The following SLC4A2 variants were observed in gnomAD, a reference collection of about 807,000 sequenced individuals.
The protein encoded by SLC4A2 is solute carrier family 4 member 2.
A neutral mutation model predicts 115.0 loss-of-function variants in SLC4A2; 36 were observed. The observed-to-expected ratio is 0.31, with a 90% confidence interval of 0.24 to 0.41. SLC4A2 has a LOEUF of 0.41. Among genes scored for constraint, SLC4A2 ranks in the 10% least tolerant of loss-of-function variants. SLC4A2 has a pLI of 1.00. For synonymous variants in SLC4A2, 708 were observed against 708.3 expected (o/e 1.00, Z 0.01); for missense variants, 1,252 against 1,705.6 (o/e 0.73, Z 4.68).
chr7:151,061,784 TCTC>T (rs947970353), intron 1 of SLC4A2, 138 bp from the exon 2 acceptor site: 2 of 571,690 alleles, frequency 3.5e-6, no homozygotes, highest in African/African-American at 3.7e-5. Context: ...TATAAATAAC[TCTC>T]CTCTGTGCTG....
Position 151,075,703 on chromosome 7 carries a change from C to G in SLC4A2, c.3399C>G (p.Ile1133Met), listed in dbSNP as rs746987078. ...TGGGAGTCACCTCCCTTAACGGGAT[C>G]CAGTTCTATGAGCGGCTGCATCTGC... is the stretch of plus-strand genomic sequence containing the variant. ...LYMGVTSLNG[I>M]QFYERLHLLL... The change falls in exon 21 of 23, where the codon ATC becomes ATG. Residue 1133 changes from isoleucine to methionine, a missense_variant. Around this residue, in one of 14 missense-constraint regions of SLC4A2, gnomAD observed 253 missense variants for 407.4 expected, o/e 0.62. Transcript: ENST00000413384. 1 of 1,612,368 alleles carries G rather than the reference C, an allele frequency of 6.2e-7. No individual in the cohort carries two copies. Among genetic ancestry groups the G allele is most frequent in the Non-Finnish European group, 8.5e-7 (1 of 1,178,796 alleles).
rs896370850 is a variant in SLC4A2, at chr7:151,062,977, C to G, written c.51+939C>G. On this transcript the variant is annotated intron_variant, in intron 2 of 22. Coordinates refer to ENST00000413384, the MANE Select transcript of SLC4A2 (RefSeq NM_003040.4). ...ACCGCTATGGAGGGGGCTGCATACC[C>G]CCGCCCTTGGAGATCCCGATGCCCT... 3 of 1,416,830 alleles carry G rather than the reference C, an allele frequency of 2.1e-6. No individual in the cohort carries two copies. The African/African-American group carries it at 4.5e-5, about 21-fold the overall frequency. 87.8% of individuals were successfully genotyped at this position (1,416,830 alleles called of 1,614,324 possible). A position where few individuals can be genotyped will look rare whatever the true frequency, so the allele number is the denominator to read the frequency against.
chr7:151,070,415 G>C (rs1369632065), intron 10 of SLC4A2, 42 bp from the exon 11 acceptor site: 4 of 1,611,840 alleles, frequency 2.5e-6, no homozygotes, highest in Non-Finnish European at 3.4e-6. Flanking sequence ...GACTCAGAGT[G>C]GGAGGGGCCT....
Position 151,074,856 on chromosome 7 carries a change from C to A in SLC4A2, c.3047+15C>A. On this transcript the variant is annotated intron_variant, in intron 19 of 22. Coordinates refer to ENST00000413384, the MANE Select transcript of SLC4A2 (RefSeq NM_003040.4). ...CAGATCACCACGTGAGTGGTCCTAG[C>A]CAAAGGGGTGTGAGAGGCCAGAGCC... 6.3e-7 allele frequency: 1 copy of A among 1,585,702 alleles called. No homozygotes were observed. Among genetic ancestry groups the A allele is most frequent in the Non-Finnish European group, 8.6e-7 (1 of 1,165,752 alleles).
Position 151,071,357 on chromosome 7 carries a change from G to A in SLC4A2, c.1976-33G>A, listed in dbSNP as rs763814114. On this transcript the variant is annotated intron_variant, in intron 13 of 22. Coordinates refer to ENST00000413384, the MANE Select transcript of SLC4A2 (RefSeq NM_003040.4). This position sits in a 1 kb window ranked among gnomAD's most constrained non-coding sequence, Gnocchi z 5.5. ...CGAGGGGGTGAGGTGGGCAAGAGGG[G>A]CTGGGGCGCCCTGACGGAGGCCTGG... The A allele has an allele frequency of 8.4e-6, 13 of 1,556,628 alleles. No individual in the cohort carries two copies. Among genetic ancestry groups the A allele is most frequent in the African/African-American group, 2.7e-5 (2 of 73,960 alleles).
chr7:151,062,983 C>G, intron 2 of SLC4A2: 1 of 1,420,804 alleles, frequency 7.0e-7, no homozygotes, highest in Non-Finnish European at 9.2e-7. Flanking sequence ...TACCCCCGCC[C>G]TTGGAGATCC....
Position 151,066,765 on chromosome 7 carries a change from A to T in SLC4A2, c.823+4A>T. 6.4e-7 allele frequency: 1 copy of T among 1,574,062 alleles called. No individual in the cohort carries two copies. On this transcript the variant is annotated splice_donor_region_variant and intron_variant, in intron 6 of 22. Transcript: ENST00000413384. ...GCCGACCTAGACCTCATGAAGAGTA[A>T]GTGCTGGGCCTTGGCCAAGCCCGGC...
At chr7:151,066,295 C>T (rs35576067) in intron 5 of SLC4A2, among the ~76,000 whole-genome samples, 3,488 of 152,342 alleles carry the variant, frequency 0.023, 64 homozygotes, top group Non-Finnish European at 0.032. Context: ...CTCGGGGTGA[C>T]CGTTTGGGGC....
intron 11 of SLC4A2, 65 bp from the exon 12 acceptor site, chr7:151,070,662 T>C: frequency 6.2e-6 from 10 of 1,603,332 alleles, no homozygotes; most frequent in South Asian, 2.2e-5. Flanking sequence ...GGTGCCACCC[T>C]GGGCGAGGGA....
At chr7:151,072,200 C>T (rs1797465076) in intron 16 of SLC4A2, 64 bp downstream of exon 16, 1 of 1,449,602 alleles carries the variant, frequency 6.9e-7, no homozygotes, top group Non-Finnish European at 9.5e-7. Context: ...GAGGGAGTCT[C>T]TTGGTCCCAT....
chr7:151,064,966 G>A lies in SLC4A2; in HGVS notation c.578G>A (p.Gly193Glu), dbSNP rs756015167. The A allele has an allele frequency of 1.3e-6, 2 of 1,597,122 alleles. No individual in the cohort carries two copies. The highest frequency in any genetic ancestry group is 2.7e-5 in the African/African-American group (2 of 74,574). The change falls in exon 5 of 23, where the codon GGA (glycine) becomes GAA (glutamate). Residue 193 changes from glycine (G) to glutamate (E), a missense_variant and splice_region_variant. Around this residue, in one of 14 missense-constraint regions of SLC4A2, gnomAD observed 215 missense variants for 205.2 expected, o/e 1.05. Coordinates refer to ENST00000413384, the MANE Select transcript of SLC4A2 (RefSeq NM_003040.4). ...CGGGCCTCCAAAGGGGCCCAGGCTG[G>A]GTAAGTACACCCCAATCAACAGTGT... ...TPRASKGAQA[G>E]TQVEEAEAEA...
intron 2 of SLC4A2, chr7:151,062,961 G>C (rs1166180107): frequency 7.1e-7 from 1 of 1,408,760 alleles, no homozygotes; most frequent in Non-Finnish European, 9.2e-7. Flanking sequence ...CACCGCTATG[G>C]AGGGGGCTGC....
chr7:151,064,421 G>T, intron 3 of SLC4A2, 54 bp downstream of exon 3: 1 of 1,561,976 alleles, frequency 6.4e-7, no homozygotes, highest in Non-Finnish European at 8.7e-7. Flanking sequence ...TGACTGTCCA[G>T]CAAAGAAGGG....
At chr7:151,073,563 C>G (rs1448137344) in intron 16 of SLC4A2, among the ~76,000 whole-genome samples, 1 of 152,126 alleles carries the variant, frequency 6.6e-6, no homozygotes, top group East Asian at 1.9e-4. Flanking sequence ...ACCACTGTAC[C>G]CGGCCTGTTT....
Position 151,071,836 on chromosome 7 carries a change from C to T in SLC4A2, c.2339C>T (p.Ser780Leu), listed in dbSNP as rs145359923. 101 of 1,600,436 alleles carry T rather than the reference C, an allele frequency of 6.3e-5. No individual in the cohort carries two copies. In the African/African-American group the frequency reaches 1.1e-3, roughly 17 times the overall value. Residue 780 changes from serine (S) to leucine (L), a missense_variant and splice_region_variant, in exon 15 of 23, where the codon TCG (serine) becomes TTG (leucine). Coordinates refer to ENST00000413384, the MANE Select transcript of SLC4A2 (RefSeq NM_003040.4). The surrounding 1 kb of genome is among the most constrained non-coding windows in gnomAD (Gnocchi z 5.5). ...CTGGTCTTTGAGGAGGCCTTCTTCT[C>T]GGTGAGGGCTCTTCTCGCCCATCTC... ...PLLVFEEAFF[S>L]FCSSNHLEYL... is the part of the protein sequence containing the mutation.
rs145724977 is a variant in SLC4A2, at chr7:151,070,549, C to G, written c.1542C>G (p.Ala514=). The change falls in exon 11 of 23, where the codon GCC becomes GCG. Residue 514 remains alanine, a synonymous_variant. Transcript: ENST00000413384. ...TGCTGGAGAAGATTCCTGAGAATGC[C>G]GAGGCCACGGTGGTCCTTGTGGGTA... is the stretch of plus-strand genomic sequence containing the variant. The part of the protein sequence containing the change: ...LKLLEKIPEN[A]EATVVLVGCV... 3 of 1,613,372 alleles carry G rather than the reference C, an allele frequency of 1.9e-6. No individual in the cohort carries two copies. Among genetic ancestry groups the G allele is most frequent in the Admixed American group, 1.7e-5 (1 of 59,954 alleles).
chr7:151,075,379 A>G lies in SLC4A2; in HGVS notation c.3172A>G (p.Thr1058Ala), dbSNP rs921481986. 16 of 1,611,626 alleles carry G rather than the reference A, an allele frequency of 9.9e-6. No homozygotes were observed. Among genetic ancestry groups the G allele is most frequent in the Non-Finnish European group, 1.4e-5 (16 of 1,180,022 alleles). The change falls in exon 20 of 23, where the codon ACT becomes GCT. Residue 1058 changes from threonine to alanine, a missense_variant. Thr to Ala is a moderately conservative substitution (Grantham distance 58). Transcript: ENST00000413384. ...LFGLPWLAAA[T>A]VRSVTHANAL... ...TGGCCTGCCCTGGTTGGCTGCTGCC[A>G]CTGTCCGCTCTGTCACTCACGCCAA... is the stretch of plus-strand genomic sequence containing the variant.
At position 151,064,865 on chromosome 7, in the gene SLC4A2, T is replaced by A. The variant is rs147187611; in HGVS notation, c.477T>A (p.Asp159Glu). 341 of 1,613,984 alleles carry A rather than the reference T, an allele frequency of 2.1e-4. No individual in the cohort carries two copies. In the African/African-American group the frequency reaches 4.4e-3, roughly 21 times the overall value. ...PSSVQFFLQE[D>E]DSADRKAERT... ...TGTTACAGTTCTTTCTCCAAGAGGA[T>A]GACAGTGCTGACCGGAAGGCAGAGA... The change falls in exon 5 of 23, where the codon GAT becomes GAA. Residue 159 changes from aspartate to glutamate, a missense_variant. Asp to Glu is a conservative substitution (Grantham distance 45, BLOSUM62 2). Transcript: ENST00000413384.
intron 2 of SLC4A2, chr7:151,063,138 C>T (rs979139560): frequency 2.6e-6 from 4 of 1,518,598 alleles, no homozygotes; most frequent in Non-Finnish European, 3.5e-6. Context: ...GCGCCGCATT[C>T]CCTGCCGGCT....
Sources: gnomAD v4.1 joint callset for allele counts (sites outside exome capture counted in the v4.1 genomes callset) on GRCh38, gnomAD v4.1.1 for gene constraint, gnomAD v4.1.1 regional missense constraint, Gnocchi (gnomAD v3.1) non-coding constraint, MANE v1.5 for transcripts, NCBI Gene and HGNC (gene_info 2026-07-23, HGNC 2026-07-21) for gene names.